Variants in SYK observed in about 807,000 individuals in gnomAD.
SYK encodes the protein tyrosine-protein kinase SYK.
SYK carries 16 observed loss-of-function variants against 77.8 expected under a neutral mutation model. The observed-to-expected ratio is 0.21, with a 90% CI of 0.14 to 0.31. SYK has a LOEUF of 0.31. SYK is among the 10% of genes least tolerant of loss of function. The pLI, the probability that SYK is intolerant of heterozygous loss-of-function variation, is 1.00. For missense variants in SYK, 529 were observed against 814.4 expected, an observed-to-expected ratio of 0.65 and a Z score of 4.26; for synonymous variants, 312 against 308.7, an observed-to-expected ratio of 1.01 and a Z score of -0.11.
At chr9:90,831,683 T>G (rs971567983) in intron 1 of SYK, among the ~76,000 whole-genome samples, 1 of 152,230 alleles carries the variant, frequency 6.6e-6, no homozygotes, top group African/African-American at 2.4e-5. Context: ...ACAGCACTTT[T>G]GCAGTCATTT....
chr9:90,892,969 A>G (rs1229098721), intron 13 of SYK, among the ~76,000 whole-genome samples: 2 of 152,188 alleles, frequency 1.3e-5, no homozygotes, highest in South Asian at 2.1e-4. Flanking sequence ...CCTCAGCTCC[A>G]AGGCTTTCCT....
At chr9:90,811,396 A>G (rs535753498) in intron 1 of SYK, among the ~76,000 whole-genome samples, 12 of 152,344 alleles carry the variant, frequency 7.9e-5, no homozygotes, top group Admixed American at 3.3e-4. Flanking sequence ...CTTCACTTTT[A>G]GGAACCTATC....
At position 90,851,817 on chromosome 9, in the gene SYK, A is replaced by G. The variant is rs111973695; in HGVS notation, c.578+6223A>G. Among the ~76,000 whole-genome samples, 85 of 152,346 alleles carry G rather than the reference A, an allele frequency of 5.6e-4. 1 individual carries two copies. Among genetic ancestry groups the G allele is most frequent in the African/African-American group, 1.8e-3 (74 of 41,584 alleles). ...ATCCCTTCCCCAAAAGGGAGGATCCAGGATTGAGGGGTCCGAAGCATATAC... is the reference window on the plus strand; with the variant it reads ...ATCCCTTCCCCAAAAGGGAGGATCCGGGATTGAGGGGTCCGAAGCATATAC... On this transcript the variant is annotated intron_variant, in intron 3 of 13. Coordinates refer to ENST00000375754, the MANE Select transcript of SYK (RefSeq NM_003177.7).
In SYK at chr9:90,819,234, G is replaced by A. The variant is rs77451473; in HGVS notation, c.-42+17341G>A. 7.2e-4 allele frequency among the ~76,000 whole-genome samples: 110 copies of A among 152,314 alleles called. 2 individuals carry two copies. In the East Asian group the frequency reaches 0.019, roughly 26 times the overall value. On this transcript the variant is annotated intron_variant, in intron 1 of 13. Transcript: ENST00000375754. ...AGTCACCCATAGCAGTCTTATGTGA[G>A]ATAATATATGGTTGATCCTCAGTAT...
At chr9:90,886,550 A>G (rs894073827) in intron 11 of SYK, among the ~76,000 whole-genome samples, 7 of 152,122 alleles carry the variant, frequency 4.6e-5, no homozygotes, top group African/African-American at 1.7e-4. Context: ...CTAAAAATAC[A>G]AAAAATTGGC....
intron 1 of SYK, among the ~76,000 whole-genome samples, chr9:90,842,542 G>A (rs527655807): frequency 6.6e-6 from 1 of 151,090 alleles, no homozygotes; most frequent in South Asian, 2.1e-4. Context: ...TGCATGCAGT[G>A]GTGTGTTTCA....
intron 1 of SYK, among the ~76,000 whole-genome samples, chr9:90,830,584 T>C (rs1244714543): frequency 1.4e-5 from 2 of 138,758 alleles, no homozygotes; most frequent in Non-Finnish European, 1.5e-5. Flanking sequence ...CATTCCTCTT[T>C]TTTTTTTTTT....
intron 1 of SYK, among the ~76,000 whole-genome samples, chr9:90,809,712 C>T (rs1825002000): frequency 6.6e-6 from 1 of 152,174 alleles, no homozygotes; most frequent in African/African-American, 2.4e-5. Flanking sequence ...ATTTACTATC[C>T]AGAGTGAACT....
intron 5 of SYK, 55 bp from the exon 6 acceptor site, chr9:90,864,993 G>A (rs905245594): frequency 2.1e-5 from 32 of 1,552,662 alleles, no homozygotes; most frequent in Non-Finnish European, 2.7e-5. Context: ...GTGGGGAGGG[G>A]AAGGAAGTGG....
intron 3 of SYK, among the ~76,000 whole-genome samples, chr9:90,845,847 AG>A (rs1359546874): frequency 5.3e-5 from 8 of 152,264 alleles, no homozygotes; most frequent in African/African-American, 1.9e-4. Context: ...TAATATTTAA[AG>A]AAAATGTGAT....
Position 90,895,378 on chromosome 9 carries a change from G to A in SYK, c.1836-150G>A. The A allele has an allele frequency of 1.4e-6, 1 of 732,748 alleles. No homozygotes were observed. Among genetic ancestry groups the A allele is most frequent in the Non-Finnish European group, 2.3e-6 (1 of 428,890 alleles). The allele number at this position is 732,748 out of a possible 1,614,324, so 45.4% of individuals were successfully genotyped here. Reference sequence around the variant, plus strand: ...CAGCCTTGTGGTCACCCTGGGGTGGGGGGCACAGGGACCACGCTGTGAGCT... The same window carrying A: ...CAGCCTTGTGGTCACCCTGGGGTGGAGGGCACAGGGACCACGCTGTGAGCT... On this transcript the variant is annotated intron_variant, in intron 13 of 13. Transcript: ENST00000375754. The surrounding 1 kb of genome is among the most constrained non-coding windows in gnomAD (Gnocchi z 4.4).
chr9:90,812,749 G>GTGTGTA lies in SYK; in HGVS notation c.-42+10861_-42+10862insATGTGT, dbSNP rs763242130. Among the ~76,000 whole-genome samples the GTGTGTA allele has an allele frequency of 9.1e-3, 794 of 87,092 alleles. 7 individuals carry two copies. Among genetic ancestry groups the GTGTGTA allele is most frequent in the Middle Eastern group, 0.041 (7 of 172 alleles). 57.1% of individuals were successfully genotyped at this position (87,092 alleles called of 152,430 possible). A position where few individuals can be genotyped will look rare whatever the true frequency, so the allele number is the denominator to read the frequency against. ...GCTCCTCCCCATTTGATATGTGTGT[G>GTGTGTA]TGTGTGTGTGTGTGTGTGTGTGTGT... is the stretch of plus-strand genomic sequence containing the variant. On this transcript the variant is annotated intron_variant, in intron 1 of 13. Coordinates refer to ENST00000375754, the MANE Select transcript of SYK (RefSeq NM_003177.7).
At chr9:90,873,053 C>T (rs899160580) in intron 7 of SYK, among the ~76,000 whole-genome samples, 1 of 152,208 alleles carries the variant, frequency 6.6e-6, no homozygotes, top group African/African-American at 2.4e-5. Context: ...CTCTGAAGTG[C>T]TCAGCAGACC....
At position 90,844,363 on chromosome 9, in the gene SYK, C is replaced by A. The variant is rs375940286; in HGVS notation, c.417+48C>A. On this transcript the variant is annotated intron_variant, in intron 2 of 13. Transcript: ENST00000375754. ...CCCTGGGCCCAGGGGGCCCTGTGAC[C>A]CCACACAGACTTCCTGGCTACATGC... The A allele has an allele frequency of 8.7e-6, 13 of 1,491,018 alleles. No individual in the cohort carries two copies. In the African/African-American group the frequency reaches 1.7e-4, roughly 19 times the overall value. The allele number at this position is 1,491,018 out of a possible 1,614,324, so 92.4% of individuals were successfully genotyped here. A position where few individuals can be genotyped will look rare whatever the true frequency, so the allele number is the denominator to read the frequency against.
At chr9:90,821,080 T>G (rs1192045694) in intron 1 of SYK, among the ~76,000 whole-genome samples, 4 of 152,180 alleles carry the variant, frequency 2.6e-5, no homozygotes, top group African/African-American at 9.7e-5. Context: ...GTTTCTCATC[T>G]CCATCTGAGA....
chr9:90,865,975 T>A (rs950909972), intron 6 of SYK, among the ~76,000 whole-genome samples: 4 of 130,906 alleles, frequency 3.1e-5, no homozygotes, highest in Non-Finnish European at 6.2e-5. Flanking sequence ...CTCAGCTCAC[T>A]GCAAGCTCTG....
At chr9:90,805,131 T>G (rs1374838279) in intron 1 of SYK, among the ~76,000 whole-genome samples, 1 of 152,254 alleles carries the variant, frequency 6.6e-6, no homozygotes, top group Non-Finnish European at 1.5e-5. Flanking sequence ...CTTGATTCTT[T>G]TCTTTCTGGG....
chr9:90,884,687 A>G lies in SYK; in HGVS notation c.1582-3062A>G, dbSNP rs1196396866. ...TGTACATGTACATATATACACATAT[A>G]CACATATGTGTACATGTACATATAC... is the stretch of plus-strand genomic sequence containing the variant. On this transcript the variant is annotated intron_variant, in intron 11 of 13. Transcript: ENST00000375754. Among the ~76,000 whole-genome samples, 31 of 64,916 alleles carry G rather than the reference A, an allele frequency of 4.8e-4. 1 individual carries two copies. Among genetic ancestry groups the G allele is most frequent in the African/African-American group, 1.9e-3 (27 of 14,440 alleles). The allele number at this position is 64,916 out of a possible 152,430, so 42.6% of individuals were successfully genotyped here. A position where few individuals can be genotyped will look rare whatever the true frequency, so the allele number is the denominator to read the frequency against.
intron 1 of SYK, among the ~76,000 whole-genome samples, chr9:90,828,846 C>T (rs768655362): frequency 6.6e-6 from 1 of 152,152 alleles, no homozygotes; most frequent in Non-Finnish European, 1.5e-5. Context: ...TGACTGTCCT[C>T]CCTGGCTCCC....
Sources: gnomAD v4.1 joint callset for allele counts (sites outside exome capture counted in the v4.1 genomes callset) on GRCh38, gnomAD v4.1.1 for gene constraint, Gnocchi (gnomAD v3.1) non-coding constraint, MANE v1.5 for transcripts, NCBI Gene and HGNC (gene_info 2026-07-23, HGNC 2026-07-21) for gene names.